SPPL3: variants seen among roughly 807,000 people sequenced by gnomAD.
SPPL3 encodes the protein signal peptide peptidase-like 3.
SPPL3 carries 5 observed loss-of-function variants against 42.4 expected under a neutral mutation model. The ratio of observed to expected loss-of-function variants is 0.12; its 90% CI spans 0.06 to 0.25. The LOEUF is 0.25. Ranked by LOEUF, SPPL3 falls within the 10% of genes least tolerant of loss-of-function variation. The pLI is 1.00. For synonymous variants in SPPL3, 195 were observed against 181.8 expected (o/e 1.07, Z -0.58); for missense variants, 235 against 489.0 (o/e 0.48, Z 4.90).
At chr12:120,826,279 T>C (rs1215401921) in intron 1 of SPPL3, among the ~76,000 whole-genome samples, 1 of 116,330 alleles carries the variant, frequency 8.6e-6, no homozygotes, top group Non-Finnish European at 1.7e-5. Context: ...GGCAACAAGA[T>C]TGAAACTGTC....
chr12:120,876,970 C>T (rs567114380), intron 1 of SPPL3, among the ~76,000 whole-genome samples: 72 of 151,786 alleles, frequency 4.7e-4, no homozygotes, highest in African/African-American at 1.7e-3. Context: ...TCTAGCTAAA[C>T]TGATCAGGAG....
chr12:120,798,611 T>C (rs1448199689), intron 2 of SPPL3, among the ~76,000 whole-genome samples: 2 of 152,232 alleles, frequency 1.3e-5, no homozygotes, highest in Non-Finnish European at 2.9e-5. Flanking sequence ...CAATGGAACA[T>C]GAAGACTGCT....
intron 1 of SPPL3, among the ~76,000 whole-genome samples, chr12:120,846,888 TG>T (rs1028951403): frequency 6.6e-6 from 1 of 152,112 alleles, no homozygotes; most frequent in Non-Finnish European, 1.5e-5. Flanking sequence ...TTCATGTGGG[TG>T]GGAGTGTGGA....
intron 8 of SPPL3, among the ~76,000 whole-genome samples, 169 bp downstream of exon 8, chr12:120,768,154 CAG>C (rs767502386): frequency 3.9e-4 from 60 of 152,344 alleles, no homozygotes; most frequent in South Asian, 1.2e-3. Flanking sequence ...CTGGATCACT[CAG>C]TGATCCTTCT....
At chr12:120,876,155 G>A (rs1593006896) in intron 1 of SPPL3, among the ~76,000 whole-genome samples, 1 of 151,762 alleles carries the variant, frequency 6.6e-6, no homozygotes, top group Non-Finnish European at 1.5e-5. Flanking sequence ...TCATATTCTA[G>A]ACCACCAAAA....
chr12:120,882,242 A>C (rs591609), intron 1 of SPPL3, among the ~76,000 whole-genome samples: 3 of 151,962 alleles, frequency 2.0e-5, no homozygotes, highest in Non-Finnish European at 4.4e-5. Context: ...TACTATCGGC[A>C]GTTTCAAGGT....
chr12:120,853,993 C>T (rs973059876), intron 1 of SPPL3, among the ~76,000 whole-genome samples: 1 of 134,756 alleles, frequency 7.4e-6, no homozygotes, highest in South Asian at 2.5e-4. Context: ...TACACACACA[C>T]ACACACACAC....
intron 4 of SPPL3, 112 bp downstream of exon 4, chr12:120,784,362 A>G (rs1313143092): frequency 3.4e-6 from 4 of 1,189,920 alleles, no homozygotes; most frequent in East Asian, 2.7e-5. Flanking sequence ...GCCAAGATTT[A>G]TAAGGAAAAA....
intron 1 of SPPL3, among the ~76,000 whole-genome samples, chr12:120,815,237 C>T (rs1211466670): frequency 6.6e-6 from 1 of 152,240 alleles, no homozygotes; most frequent in Non-Finnish European, 1.5e-5. Context: ...TTCACACTCT[C>T]ATCCGTAATG....
At chr12:120,787,938 A>G (rs1869779443) in intron 3 of SPPL3, among the ~76,000 whole-genome samples, 1 of 152,104 alleles carries the variant, frequency 6.6e-6, no homozygotes, top group African/African-American at 2.4e-5. Context: ...GTTGTTTCCA[A>G]TTTTTTGGTT....
chr12:120,852,755 T>G (rs7138757), intron 1 of SPPL3, among the ~76,000 whole-genome samples: 1 of 46,092 alleles, frequency 2.2e-5, no homozygotes, highest in Admixed American at 3.5e-4. Flanking sequence ...TTTCATATAT[T>G]ATATCTATGT....
At chr12:120,855,733 GA>G (rs1247875020) in intron 1 of SPPL3, among the ~76,000 whole-genome samples, 1 of 151,892 alleles carries the variant, frequency 6.6e-6, no homozygotes, top group Non-Finnish European at 1.5e-5. Flanking sequence ...CAGTACTTCA[GA>G]AATGTGTTCA....
At position 120,814,274 on chromosome 12, in the gene SPPL3, C is replaced by CA. The variant is rs1304789760; in HGVS notation, c.24-3389dup. ...ATGAATTCTGTTTCACAGCACCTCA[C>CA]AGGGGTGCTACCTTTTCCTAAATTT... On this transcript the variant is annotated intron_variant, in intron 1 of 10. Coordinates refer to ENST00000353487, the MANE Select transcript of SPPL3 (RefSeq NM_139015.5). Among the ~76,000 whole-genome samples, 3 of 152,276 alleles carry CA rather than the reference C, an allele frequency of 2.0e-5. No individual in the cohort carries two copies. The East Asian group carries it at 5.8e-4, about 29-fold the overall frequency.
chr12:120,847,789 ATAAT>A (rs956076432), intron 1 of SPPL3, among the ~76,000 whole-genome samples: 9 of 152,112 alleles, frequency 5.9e-5, no homozygotes, highest in African/African-American at 1.9e-4. Context: ...GCTAATATTT[ATAAT>A]TAATATTCCA....
chr12:120,881,164 G>C (rs937634135), intron 1 of SPPL3, among the ~76,000 whole-genome samples: 1 of 151,758 alleles, frequency 6.6e-6, no homozygotes, highest in African/African-American at 2.4e-5. Flanking sequence ...GGTAATGGTG[G>C]ATCCTCAAAA....
At chr12:120,865,309 C>A (rs1872725302) in intron 1 of SPPL3, among the ~76,000 whole-genome samples, 1 of 152,244 alleles carries the variant, frequency 6.6e-6, no homozygotes, top group Admixed American at 6.5e-5. Flanking sequence ...CTACAATGCA[C>A]TGCACAATCA....
At chr12:120,883,974 G>A (rs1873369306) in intron 1 of SPPL3, among the ~76,000 whole-genome samples, 1 of 152,008 alleles carries the variant, frequency 6.6e-6, no homozygotes, top group South Asian at 2.1e-4. Flanking sequence ...GGTGGCGCAT[G>A]CCTCTAATCC....
Position 120,808,438 on chromosome 12 carries a change from T to C in SPPL3, c.101+2371A>G, listed in dbSNP as rs1204327993. 2.6e-5 allele frequency among the ~76,000 whole-genome samples: 4 copies of C among 152,314 alleles called. No homozygotes were observed. The East Asian group carries it at 7.7e-4, about 29-fold the overall frequency. On this transcript the variant is annotated intron_variant, in intron 2 of 10. Coordinates refer to ENST00000353487, the MANE Select transcript of SPPL3 (RefSeq NM_139015.5). ...AATCCTTTCCATCTATATAATTCTATGATACACTTATTACATAAAATTTGG... is the reference window on the plus strand; with the variant it reads ...AATCCTTTCCATCTATATAATTCTACGATACACTTATTACATAAAATTTGG...
chr12:120,840,861 G>A (rs922969412), intron 1 of SPPL3, among the ~76,000 whole-genome samples: 1 of 151,678 alleles, frequency 6.6e-6, no homozygotes, highest in African/African-American at 2.4e-5. Flanking sequence ...TAAAAACATC[G>A]CTTGAACCCA....
Sources: allele counts gnomAD v4.1 joint callset (sites outside exome capture counted in the v4.1 genomes callset), GRCh38; gene constraint gnomAD v4.1.1; transcripts MANE v1.5; gene names NCBI Gene and HGNC (gene_info 2026-07-23, HGNC 2026-07-21).